Variants in GNG4 observed in about 807,000 individuals in gnomAD.
GNG4 encodes the protein guanine nucleotide-binding protein G(I)/G(S)/G(O) subunit gamma-4.
GNG4 carries 4 observed loss-of-function variants against 5.8 expected under a neutral mutation model. That is an observed-to-expected ratio of 0.69 (90% confidence interval 0.34 to 1.57). GNG4 has a LOEUF of 1.57. Ranked by LOEUF, GNG4 falls within the 40% of genes most tolerant of loss-of-function variation. GNG4 has a pLI of 0.06. For missense variants in GNG4, 96 were observed against 95.1 expected, an observed-to-expected ratio of 1.01 and a Z score of -0.04; for synonymous variants, 29 against 32.9, an observed-to-expected ratio of 0.88 and a Z score of 0.41.
Position 235,559,073 on chromosome 1 carries a change from C to G in GNG4, c.100-6836G>C, listed in dbSNP as rs774739027. ...ATTATTATTGTGGCTGTGACACCCA[C>G]TGCATTTATCCTTTGCATCTGAAGT... On this transcript the variant is annotated intron_variant, in intron 3 of 3. Coordinates refer to ENST00000391854, the MANE Select transcript of GNG4 (RefSeq NM_001098722.2). Among the ~76,000 whole-genome samples the G allele has an allele frequency of 2.6e-5, 4 of 152,212 alleles. 1 individual carries two copies. Among genetic ancestry groups the G allele is most frequent in the South Asian group, 4.1e-4 (2 of 4,834 alleles).
At chr1:235,641,614 C>T (rs1429177443) in intron 1 of GNG4, among the ~76,000 whole-genome samples, 2 of 152,152 alleles carry the variant, frequency 1.3e-5, no homozygotes, top group East Asian at 3.9e-4. Context: ...TGGCTTGAAC[C>T]TGGGAGGTGC....
chr1:235,595,063 T>C (rs1239229833), intron 2 of GNG4, among the ~76,000 whole-genome samples: 2 of 151,570 alleles, frequency 1.3e-5, no homozygotes, highest in Non-Finnish European at 2.9e-5. Flanking sequence ...TAGCATCTCT[T>C]TTCCCACAGG....
intron 1 of GNG4, among the ~76,000 whole-genome samples, chr1:235,626,693 T>C (rs967938923): frequency 6.6e-6 from 1 of 152,112 alleles, no homozygotes; most frequent in Admixed American, 6.6e-5. Flanking sequence ...GCACGGTGGC[T>C]GATGCTTGTG....
rs1193182950 is a variant in GNG4, at chr1:235,642,962, ACCCTGGGATCCCAGACACCAGCCTCT to A, written c.-123+6674_-123+6699del. Among the ~76,000 whole-genome samples, 4 of 152,056 alleles carry A rather than the reference ACCCTGGGATCCCAGACACCAGCCTCT, an allele frequency of 2.6e-5. No homozygotes were observed. Among genetic ancestry groups the A allele is most frequent in the Non-Finnish European group, 5.9e-5 (4 of 68,018 alleles). ...TCGTCCATCCATGCTCAGTCTGGAA[ACCCTGGGATCCCAGACACCAGCCTCT>A]CCCTGGCCCTCTGTTTCCAATCAGA... On this transcript the variant is annotated intron_variant, in intron 1 of 3. Coordinates refer to ENST00000391854, the MANE Select transcript of GNG4 (RefSeq NM_001098722.2). This position sits in a 1 kb window ranked among gnomAD's most constrained non-coding sequence, Gnocchi z 4.3.
intron 3 of GNG4, among the ~76,000 whole-genome samples, chr1:235,570,618 AACTCCTGACCTCAGGTGATCC>A (rs1185897905): frequency 2.6e-5 from 4 of 151,674 alleles, no homozygotes; most frequent in African/African-American, 9.7e-5. Context: ...GCTGGTCTCG[AACTCCTGACCTCAGGTGATCC>A]ACTCCCCCTC....
intron 3 of GNG4, among the ~76,000 whole-genome samples, chr1:235,579,972 T>C (rs1271731481): frequency 6.6e-6 from 1 of 152,064 alleles, no homozygotes; most frequent in African/African-American, 2.4e-5. Context: ...CCCATGTTCC[T>C]AACAGCATTA....
intron 1 of GNG4, among the ~76,000 whole-genome samples, chr1:235,626,513 G>A (rs1333451232): frequency 6.6e-6 from 1 of 152,126 alleles, no homozygotes; most frequent in African/African-American, 2.4e-5. Context: ...AGACACGGCC[G>A]AGTGCCTCTT....
chr1:235,568,085 T>G (rs902080622), intron 3 of GNG4, among the ~76,000 whole-genome samples: 2 of 152,068 alleles, frequency 1.3e-5, no homozygotes, highest in African/African-American at 2.4e-5. Context: ...CCCTGCCTTT[T>G]TGGAGACAGT....
chr1:235,584,233 GC>G (rs1377880908), intron 2 of GNG4, among the ~76,000 whole-genome samples: 1 of 152,154 alleles, frequency 6.6e-6, no homozygotes, highest in Non-Finnish European at 1.5e-5. Flanking sequence ...TGCTCTAGCA[GC>G]CCATACAGTT....
intron 1 of GNG4, among the ~76,000 whole-genome samples, chr1:235,622,995 G>A (rs547819242): frequency 2.6e-5 from 4 of 151,786 alleles, no homozygotes; most frequent in African/African-American, 9.7e-5. Context: ...AGCTGAGATC[G>A]CGCCACTGCA....
At chr1:235,586,265 G>A (rs945187049) in intron 2 of GNG4, among the ~76,000 whole-genome samples, 4 of 152,194 alleles carry the variant, frequency 2.6e-5, no homozygotes, top group African/African-American at 9.6e-5. Context: ...CCCCCACTCA[G>A]CAGAACTGTG....
At chr1:235,586,538 T>C (rs1354114820) in intron 2 of GNG4, among the ~76,000 whole-genome samples, 1 of 152,134 alleles carries the variant, frequency 6.6e-6, no homozygotes, top group East Asian at 1.9e-4. Flanking sequence ...CATGACGAAA[T>C]GCGATTCCCA....
chr1:235,628,747 C>G (rs746459608), intron 1 of GNG4, among the ~76,000 whole-genome samples: 1 of 152,176 alleles, frequency 6.6e-6, no homozygotes, highest in Admixed American at 6.5e-5. Flanking sequence ...TCGCATCAGC[C>G]CTATTCACTT....
intron 3 of GNG4, among the ~76,000 whole-genome samples, chr1:235,559,464 C>T (rs1300573164): frequency 6.6e-6 from 1 of 151,958 alleles, no homozygotes; most frequent in Non-Finnish European, 1.5e-5. Flanking sequence ...GTATTTGAGA[C>T]CCACACACCA....
intron 2 of GNG4, among the ~76,000 whole-genome samples, chr1:235,593,989 A>T (rs528849041): frequency 6.6e-6 from 1 of 152,148 alleles, no homozygotes; most frequent in Non-Finnish European, 1.5e-5. Context: ...GGCCCCACCT[A>T]CATCCTGCTG....
intron 1 of GNG4, among the ~76,000 whole-genome samples, chr1:235,610,290 G>A (rs990226197): frequency 1.9e-4 from 29 of 152,168 alleles, no homozygotes; most frequent in African/African-American, 6.0e-4. Context: ...AAGACAAACT[G>A]CATTCTTCTC....
intron 1 of GNG4, among the ~76,000 whole-genome samples, chr1:235,626,958 C>CAAAAAAAAA (rs776506587): frequency 3.6e-4 from 28 of 77,368 alleles, no homozygotes; most frequent in South Asian, 4.9e-4. Flanking sequence ...GACTCTATCT[C>CAAAAAAAAA]AAAAAAAAAA....
At chr1:235,561,653 C>T (rs530744800) in intron 3 of GNG4, among the ~76,000 whole-genome samples, 2 of 152,358 alleles carry the variant, frequency 1.3e-5, no homozygotes, top group South Asian at 4.1e-4. Flanking sequence ...CCTCAGCCTC[C>T]CAACGTGCTG....
chr1:235,568,328 G>A (rs1687251787), intron 3 of GNG4, among the ~76,000 whole-genome samples: 1 of 152,030 alleles, frequency 6.6e-6, no homozygotes, highest in South Asian at 2.1e-4. Context: ...CTCAGATTGT[G>A]TGTGGATCCA....
Sources: allele counts gnomAD v4.1 joint callset (sites outside exome capture counted in the v4.1 genomes callset), GRCh38; gene constraint gnomAD v4.1.1; non-coding constraint Gnocchi (gnomAD v3.1); transcripts MANE v1.5; gene names NCBI Gene and HGNC (gene_info 2026-07-23, HGNC 2026-07-21).